Variants in ERVFRD-1 observed in about 807,000 individuals in gnomAD.
The protein encoded by ERVFRD-1 is endogenous retrovirus group FRD member 1, envelope, also known as syncytin-2.
In ERVFRD-1, 33 loss-of-function variants were observed where a neutral mutation model predicts 43.8. The ratio of observed to expected loss-of-function variants is 0.75; its 90% CI spans 0.57 to 1.01. The LOEUF is 1.01. Among genes scored for constraint, ERVFRD-1 ranks in the 50% least tolerant of loss-of-function variants. The pLI, the probability that ERVFRD-1 is intolerant of heterozygous loss-of-function variation, is 0.00. For synonymous variants in ERVFRD-1, 239 were observed against 244.4 expected (o/e 0.98, Z 0.21); for missense variants, 568 against 658.4 (o/e 0.86, Z 1.50).
In ERVFRD-1 at chr6:11,102,558, G is replaced by A. The variant is rs537842277; in HGVS notation, c.*1136C>T. The A allele has an allele frequency of 7.2e-5, 11 of 152,288 alleles. No homozygotes were observed. Among genetic ancestry groups the A allele is most frequent in the African/African-American group, 2.6e-4 (11 of 41,566 alleles). 9.4% of individuals were successfully genotyped at this position (152,288 alleles called of 1,614,324 possible). ...AGGCAGGGCCAAACTGCAAGCAACT[G>A]GGTCTCTACTACAGAGGTACAAGGG... is the stretch of plus-strand genomic sequence containing the variant. On this transcript the variant is annotated 3_prime_UTR_variant, in exon 2 of 2. Transcript: ENST00000472091.
At position 11,104,152 on chromosome 6, in the gene ERVFRD-1, CCTTT is replaced by C; in HGVS notation, c.1155_1158del (p.Glu387Ter). On this transcript the variant is annotated frameshift_variant, in exon 2 of 2. Coordinates refer to ENST00000472091, the MANE Select transcript of ERVFRD-1 (RefSeq NM_207582.3). LOFTEE classifies it high-confidence loss of function. ...ATGGTGTCAATGTTGTTGGCTATTT[CCTTT>C]GAGAGCTGGCTATAGGTGAGGGAAG... 6.5e-7 allele frequency: 1 copy of C among 1,544,488 alleles called. No individual in the cohort carries two copies. Among genetic ancestry groups the C allele is most frequent in the Non-Finnish European group, 8.7e-7 (1 of 1,143,494 alleles).
intron 1 of ERVFRD-1, among the ~76,000 whole-genome samples, chr6:11,106,039 A>C (rs1178880297): frequency 2.6e-5 from 4 of 152,162 alleles, no homozygotes; most frequent in Non-Finnish European, 4.4e-5. Flanking sequence ...GGTTATTTCC[A>C]CTTTTCCTGA....
chr6:11,104,595 C>CA lies in ERVFRD-1; in HGVS notation c.715dup (p.Trp239LeufsTer4), dbSNP rs747427247. On this transcript the variant is annotated frameshift_variant, in exon 2 of 2. Transcript: ENST00000472091. LOFTEE classifies it high-confidence loss of function. ...GTTAGCTCCCTTGGTTTTATTTTCC[C>CA]AAAAAAGAGAATTTCGAGTTTGGTC... The CA allele has an allele frequency of 1.2e-6, 2 of 1,613,842 alleles. No individual in the cohort carries two copies. Among genetic ancestry groups the CA allele is most frequent in the Non-Finnish European group, 1.7e-6 (2 of 1,179,896 alleles).
Position 11,103,459 on chromosome 6 carries a change from C to G in ERVFRD-1, c.*235G>C, listed in dbSNP as rs373330106. ...GCTACCTGCTCCAACATTTCCCCCCCTCAAGAGTCCAAGACCCAATTATCT... is the reference window on the plus strand; with the variant it reads ...GCTACCTGCTCCAACATTTCCCCCCGTCAAGAGTCCAAGACCCAATTATCT... On this transcript the variant is annotated 3_prime_UTR_variant, in exon 2 of 2. Coordinates refer to ENST00000472091, the MANE Select transcript of ERVFRD-1 (RefSeq NM_207582.3). 6.5e-5 allele frequency: 36 copies of G among 551,092 alleles called. 1 individual carries two copies. Among genetic ancestry groups the G allele is most frequent in the South Asian group, 3.5e-4 (8 of 22,728 alleles). 34.1% of individuals were successfully genotyped at this position (551,092 alleles called of 1,614,324 possible). A position where few individuals can be genotyped will look rare whatever the true frequency, so the allele number is the denominator to read the frequency against.
rs754919840 is a variant in ERVFRD-1 at position 11,105,286 on chromosome 6, T to A, written c.25A>T (p.Ile9Phe). 6.2e-7 allele frequency: 1 copy of A among 1,613,760 alleles called. No homozygotes were observed. The highest frequency in any genetic ancestry group is 8.5e-7 in the Non-Finnish European group (1 of 1,179,848). The stretch of plus-strand genomic sequence containing the variant: ...TAGGCTGCTAGTGAAGGCGTGAGAA[T>A]GAGAACCAGCAGGAGCAGGCCCATG... MGLLLLVLILTPSLAAYRH... is the reference protein window; with the variant it reads MGLLLLVLFLTPSLAAYRH... Residue 9 changes from isoleucine to phenylalanine, a missense_variant, in exon 2 of 2, where the codon ATT (isoleucine) becomes TTT (phenylalanine). By Grantham distance (21) the Ile-to-Phe change is conservative. Coordinates refer to ENST00000472091, the MANE Select transcript of ERVFRD-1 (RefSeq NM_207582.3).
chr6:11,103,999 A>AT lies in ERVFRD-1; in HGVS notation c.1311dup (p.Cys438MetfsTer55). The AT allele has an allele frequency of 6.4e-7, 1 of 1,551,580 alleles. No homozygotes were observed. Among genetic ancestry groups the AT allele is most frequent in the Non-Finnish European group, 8.7e-7 (1 of 1,146,970 alleles). The stretch of plus-strand genomic sequence containing the variant: ...CCTGATTGATTTACCCAAAAGCAAC[A>AT]TTTTTCATCTAAGGCCAAACAAATT... On this transcript the variant is annotated frameshift_variant, in exon 2 of 2. Transcript: ENST00000472091. LOFTEE classifies it high-confidence loss of function.
Position 11,104,651 on chromosome 6 carries a change from G to A in ERVFRD-1, c.660C>T (p.Asn220=). The change falls in exon 2 of 2, where the codon AAC becomes AAT. Residue 220 remains asparagine, a synonymous_variant. Coordinates refer to ENST00000472091, the MANE Select transcript of ERVFRD-1 (RefSeq NM_207582.3). Reference sequence around the variant, plus strand: ...GAACCCATTCCGCTGTAGAGCTGAGGTTGGAAATTTGCAGACATTGGTTAT... The same window carrying A: ...GAACCCATTCCGCTGTAGAGCTGAGATTGGAAATTTGCAGACATTGGTTAT... ...ADYNQCLQIS[N]LSSTAEWVLL... is the part of the protein sequence containing the mutation. The A allele has an allele frequency of 6.2e-7, 1 of 1,614,216 alleles. No individual in the cohort carries two copies. The highest frequency in any genetic ancestry group is 8.5e-7 in the Non-Finnish European group (1 of 1,180,030).
chr6:11,110,899 G>T (rs1462362454), intron 1 of ERVFRD-1, among the ~76,000 whole-genome samples: 1 of 152,196 alleles, frequency 6.6e-6, no homozygotes, highest in Non-Finnish European at 1.5e-5. Flanking sequence ...GTCCTTAAGG[G>T]CTACAGAGTG....
At position 11,111,701 on chromosome 6, in the gene ERVFRD-1, T is replaced by C. The variant is rs1758170728; in HGVS notation, c.-345A>G. ...CCACTAGGGAAGGTATCCGAGTCAC[T>C]GCACCATTTGAGAGATCCAAGTGCC... On this transcript the variant is annotated 5_prime_UTR_variant, in exon 1 of 2. Transcript: ENST00000472091. 1 of 152,274 alleles carries C rather than the reference T, an allele frequency of 6.6e-6. No individual in the cohort carries two copies. 9.4% of individuals were successfully genotyped at this position (152,274 alleles called of 1,614,324 possible).
chr6:11,103,615 T>C lies in ERVFRD-1; in HGVS notation c.*79A>G, dbSNP rs1758031734. The C allele has an allele frequency of 1.4e-6, 2 of 1,464,252 alleles. No homozygotes were observed. Among genetic ancestry groups the C allele is most frequent in the South Asian group, 2.9e-5 (2 of 69,110 alleles). The allele number at this position is 1,464,252 out of a possible 1,614,324, so 90.7% of individuals were successfully genotyped here. A position where few individuals can be genotyped will look rare whatever the true frequency, so the allele number is the denominator to read the frequency against. On this transcript the variant is annotated 3_prime_UTR_variant, in exon 2 of 2. Transcript: ENST00000472091. ...TGGCTCTGTGGATTGGCAAAAACCA[T>C]ATCCAGCCAGGTCCACGGGAGACGG...
Position 11,104,671 on chromosome 6 carries a change from G to C in ERVFRD-1, c.640C>G (p.Gln214Glu). The change falls in exon 2 of 2, where the codon CAA becomes GAA. Residue 214 changes from glutamine (Q) to glutamate (E), a missense_variant. Physicochemically the swap from Gln to Glu is conservative, Grantham distance 29 (BLOSUM62 2). Coordinates refer to ENST00000472091, the MANE Select transcript of ERVFRD-1 (RefSeq NM_207582.3). ...CTGAGGTTGGAAATTTGCAGACATTGGTTATAATCAGCAGGCCGGAACCAG... is the reference window on the plus strand; with the variant it reads ...CTGAGGTTGGAAATTTGCAGACATTCGTTATAATCAGCAGGCCGGAACCAG... ...NFWFRPADYNQCLQISNLSST... is the reference protein window; with the variant it reads ...NFWFRPADYNECLQISNLSST... 6.2e-7 allele frequency: 1 copy of C among 1,614,214 alleles called. No individual in the cohort carries two copies. Among genetic ancestry groups the C allele is most frequent in the Non-Finnish European group, 8.5e-7 (1 of 1,180,044 alleles).
chr6:11,106,459 A>G (rs1182233305), intron 1 of ERVFRD-1, among the ~76,000 whole-genome samples: 1 of 152,202 alleles, frequency 6.6e-6, no homozygotes, highest in Non-Finnish European at 1.5e-5. Flanking sequence ...TCCCTCCCCC[A>G]CTGAACACTG....
intron 1 of ERVFRD-1, among the ~76,000 whole-genome samples, chr6:11,110,541 G>A (rs1324457445): frequency 6.6e-6 from 1 of 152,160 alleles, no homozygotes; most frequent in East Asian, 1.9e-4. Flanking sequence ...TGAAGGTCCT[G>A]ATACATATTG....
At position 11,105,043 on chromosome 6, in the gene ERVFRD-1, T is replaced by C; in HGVS notation, c.268A>G (p.Asn90Asp). The change falls in exon 2 of 2, where the codon AAT (asparagine) becomes GAT (aspartate). Residue 90 changes from asparagine to aspartate, a missense_variant. Coordinates refer to ENST00000472091, the MANE Select transcript of ERVFRD-1 (RefSeq NM_207582.3). ...TGCTTTACTGTTGAAAGAAGACTAT[T>C]TGCAGGCCTCATCAGTCCTTTCAGA... ...PNLKGLMRPA[N>D]SLLSTVKQDF... The C allele has an allele frequency of 6.2e-7, 1 of 1,614,198 alleles. No individual in the cohort carries two copies. The highest frequency in any genetic ancestry group is 8.5e-7 in the Non-Finnish European group (1 of 1,180,030).
In ERVFRD-1 at chr6:11,103,744, T is replaced by C; in HGVS notation, c.1567A>G (p.Asn523Asp). 1 of 1,551,674 alleles carries C rather than the reference T, an allele frequency of 6.4e-7. No homozygotes were observed. Among genetic ancestry groups the C allele is most frequent in the Non-Finnish European group, 8.7e-7 (1 of 1,146,974 alleles). Residue 523 changes from asparagine to aspartate, a missense_variant, in exon 2 of 2, where the codon AAT becomes GAT. Physicochemically the swap from Asn to Asp is conservative, Grantham distance 23 (BLOSUM62 1). Transcript: ENST00000472091. Reference protein sequence around the residue: ...SRLQAIKLQTNLSAGRHPRNI... With the variant: ...SRLQAIKLQTDLSAGRHPRNI... ...CGAGGATGGCGTCCTGCACTGAGAT[T>C]CGTCTGGAGCTTTATGGCCTGAAGG... is the stretch of plus-strand genomic sequence containing the variant.
At chr6:11,111,142 G>C (rs191691538) in intron 1 of ERVFRD-1, among the ~76,000 whole-genome samples, 52 of 152,298 alleles carry the variant, frequency 3.4e-4, no homozygotes, top group Admixed American at 1.3e-3. Context: ...CCATCTCTTG[G>C]TTGCCAGGCT....
Position 11,104,491 on chromosome 6 carries a change from C to CT in ERVFRD-1, c.819dup (p.Glu274ArgfsTer20). 6.4e-7 allele frequency: 1 copy of CT among 1,554,724 alleles called. No homozygotes were observed. The highest frequency in any genetic ancestry group is 1.2e-5 in the South Asian group (1 of 84,694). On this transcript the variant is annotated frameshift_variant, in exon 2 of 2. Coordinates refer to ENST00000472091, the MANE Select transcript of ERVFRD-1 (RefSeq NM_207582.3). LOFTEE classifies it high-confidence loss of function. ...GGGGTGAGGGAGGTTCCAAAAAATT[C>CT]TGAGACTGCTGATATGCCCAGGTAG...
chr6:11,104,395 G>T lies in ERVFRD-1; in HGVS notation c.916C>A (p.His306Asn). 1 of 1,551,640 alleles carries T rather than the reference G, an allele frequency of 6.4e-7. No individual in the cohort carries two copies. Among genetic ancestry groups the T allele is most frequent in the Non-Finnish European group, 8.7e-7 (1 of 1,146,994 alleles). Residue 306 changes from histidine to asparagine, a missense_variant, in exon 2 of 2, where the codon CAC (histidine) becomes AAC (asparagine). Transcript: ENST00000472091. ...GAFYICGQSI[H>N]QCLPSNWTGT... Reference sequence around the variant, plus strand: ...GTCCAGTTACTGGGGAGGCATTGGTGAATCGACTGGCCACAAATATAAAAG... The same window carrying T: ...GTCCAGTTACTGGGGAGGCATTGGTTAATCGACTGGCCACAAATATAAAAG...
chr6:11,109,598 A>C (rs12527972), intron 1 of ERVFRD-1, among the ~76,000 whole-genome samples: 23,950 of 152,188 alleles, frequency 0.16, 2,526 homozygotes, highest in East Asian at 0.34. Context: ...AGGCCAGCAC[A>C]TAGGGGATTT....
Sources: gnomAD v4.1 joint callset for allele counts (sites outside exome capture counted in the v4.1 genomes callset) on GRCh38, gnomAD v4.1.1 for gene constraint, MANE v1.5 for transcripts, NCBI Gene and HGNC (gene_info 2026-07-23, HGNC 2026-07-21) for gene names.